The following FDX1 variants were observed in gnomAD, a reference collection of about 807,000 sequenced individuals.
FDX1 encodes adrenodoxin, mitochondrial.
Under a neutral mutation model 14.9 loss-of-function variants are expected in FDX1, and 9 were observed. That is an observed-to-expected ratio of 0.60 (90% CI 0.36 to 1.05). The LOEUF (loss-of-function observed/expected upper bound fraction) is 1.05. Among genes scored for constraint, FDX1 ranks in the 50% least tolerant of loss-of-function variants. The pLI is 0.01. For synonymous variants in FDX1, 92 were observed against 99.4 expected (o/e 0.93, Z 0.44); for missense variants, 204 against 237.2 (o/e 0.86, Z 0.92).
Position 110,436,905 on chromosome 11 carries a change from T to C in FDX1, c.310+947T>C, listed in dbSNP as rs529302844. ...GCTATCTTTCTTATTAGATTATTAG[T>C]TTTTGAAAGACTGTACTCCATGAGG... On this transcript the variant is annotated intron_variant, in intron 2 of 3. Transcript: ENST00000260270. 2.6e-5 allele frequency among the ~76,000 whole-genome samples: 4 copies of C among 152,236 alleles called. No individual in the cohort carries two copies. In the South Asian group the frequency reaches 8.3e-4, roughly 32 times the overall value.
intron 3 of FDX1, among the ~76,000 whole-genome samples, chr11:110,459,345 T>C (rs1591255391): frequency 1.3e-5 from 2 of 152,354 alleles, no homozygotes; most frequent in South Asian, 4.1e-4. Context: ...GTTAGCATTG[T>C]AACTACCATC....
chr11:110,444,461 C>A (rs1282136238), intron 2 of FDX1, among the ~76,000 whole-genome samples: 2 of 150,874 alleles, frequency 1.3e-5, no homozygotes. Context: ...ACTAAAAATA[C>A]AAAAATTAGC....
chr11:110,444,674 AT>A (rs1946429680), intron 2 of FDX1, among the ~76,000 whole-genome samples: 1 of 80,338 alleles, frequency 1.2e-5, no homozygotes, highest in African/African-American at 5.8e-5. Context: ...ACGTATATAT[AT>A]ATATATATAC....
chr11:110,441,593 G>C (rs186520752), intron 2 of FDX1, among the ~76,000 whole-genome samples: 1 of 152,328 alleles, frequency 6.6e-6, no homozygotes, highest in East Asian at 1.9e-4. Context: ...ATGATACTTA[G>C]GGTATCTGGC....
At chr11:110,437,802 C>T (rs761513554) in intron 2 of FDX1, among the ~76,000 whole-genome samples, 6 of 152,184 alleles carry the variant, frequency 3.9e-5, no homozygotes, top group Non-Finnish European at 5.9e-5. Context: ...CTCCCTTCCC[C>T]CTCTGGTAGT....
chr11:110,448,071 A>T (rs73548021), intron 2 of FDX1, among the ~76,000 whole-genome samples: 2,016 of 152,312 alleles, frequency 0.013, 48 homozygotes, highest in African/African-American at 0.046. Flanking sequence ...CTTTTGGATG[A>T]TGCAGGTACC....
chr11:110,457,984 G>A (rs1946533129), intron 3 of FDX1, among the ~76,000 whole-genome samples: 1 of 152,166 alleles, frequency 6.6e-6, no homozygotes, highest in South Asian at 2.1e-4. Flanking sequence ...CCAAAGCAGA[G>A]TGGATTGTGG....
chr11:110,463,196 G>A lies in FDX1; in HGVS notation c.*728G>A, dbSNP rs1946566570. On this transcript the variant is annotated 3_prime_UTR_variant, in exon 4 of 4. Transcript: ENST00000260270. ...TTTCTAAGCAGAATGGTTTAACTTT[G>A]TACTCTTTGAAAAATAATGCTGATT... The A allele has an allele frequency of 1.3e-5, 2 of 152,316 alleles. No individual in the cohort carries two copies. Among genetic ancestry groups the A allele is most frequent in the Middle Eastern group, 3.4e-3 (1 of 294 alleles). 9.4% of individuals were successfully genotyped at this position (152,316 alleles called of 1,614,324 possible).
intron 2 of FDX1, among the ~76,000 whole-genome samples, chr11:110,442,543 A>T (rs1054347117): frequency 6.6e-6 from 1 of 152,196 alleles, no homozygotes; most frequent in African/African-American, 2.4e-5. Flanking sequence ...TTGGACTTGC[A>T]TGGGGTCTGT....
At chr11:110,442,908 C>T (rs924365416) in intron 2 of FDX1, among the ~76,000 whole-genome samples, 1 of 152,102 alleles carries the variant, frequency 6.6e-6, no homozygotes, top group Admixed American at 6.5e-5. Flanking sequence ...ATCTTGGGGG[C>T]AGGTCTTTCC....
chr11:110,452,116 T>C (rs1465829057), intron 2 of FDX1, among the ~76,000 whole-genome samples: 1 of 152,158 alleles, frequency 6.6e-6, no homozygotes, highest in Non-Finnish European at 1.5e-5. Context: ...CTTAGAACTG[T>C]AAACTCCTAA....
intron 1 of FDX1, among the ~76,000 whole-genome samples, chr11:110,433,845 A>G (rs1349263858): frequency 1.3e-5 from 2 of 152,188 alleles, no homozygotes; most frequent in African/African-American, 4.8e-5. Flanking sequence ...CAGTTGCCTC[A>G]TTTGTGAAAT....
At chr11:110,442,277 G>A (rs1054820595) in intron 2 of FDX1, among the ~76,000 whole-genome samples, 21 of 152,216 alleles carry the variant, frequency 1.4e-4, no homozygotes, top group Non-Finnish European at 2.6e-4. Context: ...GGAGCTGTGC[G>A]AAGAGGGCCA....
At chr11:110,456,862 G>A (rs1946525500) in intron 2 of FDX1, 56 bp from the exon 3 acceptor site, 1 of 1,544,268 alleles carries the variant, frequency 6.5e-7, no homozygotes, top group Non-Finnish European at 8.8e-7. Flanking sequence ...TACTGAACCA[G>A]GTATGAATCG....
chr11:110,444,602 C>A (rs1364117188), intron 2 of FDX1, among the ~76,000 whole-genome samples: 1 of 137,194 alleles, frequency 7.3e-6, no homozygotes, highest in African/African-American at 2.8e-5. Context: ...GGTGACTGAG[C>A]AAGACTGTCT....
chr11:110,460,703 A>C (rs1946551240), intron 3 of FDX1, among the ~76,000 whole-genome samples: 1 of 152,208 alleles, frequency 6.6e-6, no homozygotes, highest in African/African-American at 2.4e-5. Context: ...TGGCATTAGC[A>C]ACCAATCCTC....
intron 2 of FDX1, among the ~76,000 whole-genome samples, chr11:110,439,582 T>C (rs141000945): frequency 0.019 from 2,880 of 152,308 alleles, 76 homozygotes; most frequent in African/African-American, 0.061. Context: ...TTCTGGATAT[T>C]AGACCTTTGT....
intron 2 of FDX1, among the ~76,000 whole-genome samples, chr11:110,446,249 C>T (rs1946449307): frequency 6.6e-6 from 1 of 152,190 alleles, no homozygotes; most frequent in Admixed American, 6.5e-5. Flanking sequence ...ATTACCACAA[C>T]ATTATGGGGG....
At chr11:110,451,627 A>G (rs971700918) in intron 2 of FDX1, among the ~76,000 whole-genome samples, 1 of 152,254 alleles carries the variant, frequency 6.6e-6, no homozygotes, top group Non-Finnish European at 1.5e-5. Context: ...TTATAAAAAT[A>G]CGTGCATGTA....
Sources: allele counts gnomAD v4.1 joint callset (sites outside exome capture counted in the v4.1 genomes callset), GRCh38; gene constraint gnomAD v4.1.1; transcripts MANE v1.5; gene names NCBI Gene and HGNC (gene_info 2026-07-23, HGNC 2026-07-21).